The following TLK1 variants were observed in gnomAD, a reference collection of about 807,000 sequenced individuals.
The protein encoded by TLK1 is serine/threonine-protein kinase tousled-like 1.
In TLK1, 24 loss-of-function variants were observed where a neutral mutation model predicts 105.3. That is an observed-to-expected ratio of 0.23 (90% CI 0.17 to 0.32). TLK1 has a LOEUF of 0.32. Ranked by LOEUF, TLK1 falls within the 10% of genes least tolerant of loss-of-function variation. The pLI is 1.00. For missense variants in TLK1, 558 were observed against 910.5 expected (o/e 0.61, Z 4.98); for synonymous variants, 321 against 310.4 (o/e 1.03, Z -0.36).
intron 2 of TLK1, among the ~76,000 whole-genome samples, chr2:171,095,952 G>C (rs1689434244): frequency 6.6e-6 from 1 of 151,820 alleles, no homozygotes; most frequent in Non-Finnish European, 1.5e-5. Flanking sequence ...TCTAAGATCA[G>C]GAACAAGACA....
chr2:170,993,684 AAAAAAAG>A lies in TLK1; in HGVS notation c.*89_*95del, dbSNP rs1683899736. The A allele has an allele frequency of 2.0e-6, 2 of 993,482 alleles. No individual in the cohort carries two copies. Among genetic ancestry groups the A allele is most frequent in the Non-Finnish European group, 2.7e-6 (2 of 743,888 alleles). The allele number at this position is 993,482 out of a possible 1,614,324, so 61.5% of individuals were successfully genotyped here. On this transcript the variant is annotated 3_prime_UTR_variant, in exon 21 of 21. Transcript: ENST00000431350. ...CGTCTTGTGTAAAAAAAAAAAAAAA[AAAAAAAG>A]AAAAAGAAAACAAACACTCAAATGC...
At chr2:171,176,010 C>T (rs1371239304) in intron 1 of TLK1, among the ~76,000 whole-genome samples, 1 of 152,062 alleles carries the variant, frequency 6.6e-6, no homozygotes, top group African/African-American at 2.4e-5. Flanking sequence ...GACCTCTGCT[C>T]ACTGCAACCT....
chr2:171,211,846 C>A (rs1171931983), intron 1 of TLK1, among the ~76,000 whole-genome samples: 2 of 150,252 alleles, frequency 1.3e-5, no homozygotes. Flanking sequence ...CTGTGCCCGG[C>A]CTCTTTTTTT....
chr2:171,129,457 G>A (rs1455755040), intron 1 of TLK1, among the ~76,000 whole-genome samples: 2 of 152,080 alleles, frequency 1.3e-5, no homozygotes, highest in African/African-American at 4.8e-5. Context: ...GTAGATCCCT[G>A]ACCAAAAAGG....
chr2:171,136,338 T>C lies in TLK1; in HGVS notation c.140-18481A>G, dbSNP rs775118137. On this transcript the variant is annotated intron_variant, in intron 1 of 20. Coordinates refer to ENST00000431350, the MANE Select transcript of TLK1 (RefSeq NM_012290.5). ...GGGGCAGAGGGGAATTAGAAAGTTG[T>C]TTAATGGGTGTAAAGTTACAGTTTG... is the stretch of plus-strand genomic sequence containing the variant. 3.3e-5 allele frequency among the ~76,000 whole-genome samples: 5 copies of C among 152,196 alleles called. 1 individual carries two copies. Among genetic ancestry groups the C allele is most frequent in the Admixed American group, 1.3e-4 (2 of 15,278 alleles).
chr2:171,131,799 T>A (rs1349836059), intron 1 of TLK1, among the ~76,000 whole-genome samples: 1 of 152,030 alleles, frequency 6.6e-6, no homozygotes, highest in African/African-American at 2.4e-5. Flanking sequence ...ATGTCAACAA[T>A]GGCTTATTTT....
chr2:171,160,645 G>T lies in TLK1; in HGVS notation c.-217C>A. 2 of 679,314 alleles carry T rather than the reference G, an allele frequency of 2.9e-6. No individual in the cohort carries two copies. Among genetic ancestry groups the T allele is most frequent in the Non-Finnish European group, 4.5e-6 (2 of 440,104 alleles). 42.1% of individuals were successfully genotyped at this position (679,314 alleles called of 1,614,324 possible). Reference sequence around the variant, plus strand: ...AGAGGGGACAGGGAGGAGGGAAAGGGGGAGAAGCGAGGGAGCGAGCGGGCG... The same window carrying T: ...AGAGGGGACAGGGAGGAGGGAAAGGTGGAGAAGCGAGGGAGCGAGCGGGCG... On this transcript the variant is annotated 5_prime_UTR_variant, in exon 1 of 21. Coordinates refer to ENST00000431350, the MANE Select transcript of TLK1 (RefSeq NM_012290.5). The surrounding 1 kb of genome is among the most constrained non-coding windows in gnomAD (Gnocchi z 4.4).
At chr2:171,050,200 A>G (rs1406889429) in intron 8 of TLK1, 26 bp from the exon 9 acceptor site, 1 of 1,516,964 alleles carries the variant, frequency 6.6e-7, no homozygotes, top group South Asian at 1.2e-5. Context: ...AAAATGCAAG[A>G]GGTCTAGACT....
chr2:171,118,963 C>T (rs1374821694), intron 1 of TLK1, among the ~76,000 whole-genome samples: 1 of 152,144 alleles, frequency 6.6e-6, no homozygotes, highest in African/African-American at 2.4e-5. Flanking sequence ...ATACACCTTC[C>T]TCTGTCTACT....
Position 171,160,598 on chromosome 2 carries a change from G to A in TLK1, c.-170C>T. Reference sequence around the variant, plus strand: ...AGGAAACCGAGAAGAGGGGAGGTGGGGAGGAAAGAGGTGAGGGAAGGAGAG... The same window carrying A: ...AGGAAACCGAGAAGAGGGGAGGTGGAGAGGAAAGAGGTGAGGGAAGGAGAG... On this transcript the variant is annotated 5_prime_UTR_variant, in exon 1 of 21. Coordinates refer to ENST00000431350, the MANE Select transcript of TLK1 (RefSeq NM_012290.5). The surrounding 1 kb of genome is among the most constrained non-coding windows in gnomAD (Gnocchi z 4.4). 1.9e-6 allele frequency: 2 copies of A among 1,066,848 alleles called. No individual in the cohort carries two copies. The highest frequency in any genetic ancestry group is 2.6e-6 in the Non-Finnish European group (2 of 758,760). The allele number at this position is 1,066,848 out of a possible 1,614,324, so 66.1% of individuals were successfully genotyped here.
chr2:171,123,372 AT>A (rs35383458), intron 1 of TLK1, among the ~76,000 whole-genome samples: 61,132 of 150,494 alleles, frequency 0.41, 14,043 homozygotes, highest in African/African-American at 0.61. Context: ...AATTTTTGTA[AT>A]TTTTTTTTTA....
intron 1 of TLK1, among the ~76,000 whole-genome samples, chr2:171,191,967 T>G (rs1693162882): frequency 6.6e-6 from 1 of 152,156 alleles, no homozygotes; most frequent in African/African-American, 2.4e-5. Context: ...CAATCTAATT[T>G]GACCACAGAA....
chr2:171,175,639 C>T (rs999196180), intron 1 of TLK1, among the ~76,000 whole-genome samples: 1 of 152,190 alleles, frequency 6.6e-6, no homozygotes, highest in African/African-American at 2.4e-5. Flanking sequence ...CTGTAACACA[C>T]TTCATCATTC....
chr2:171,162,592 T>C (rs184796782), upstream of TLK1, among the ~76,000 whole-genome samples: 113 of 152,296 alleles, frequency 7.4e-4, no homozygotes, highest in Non-Finnish European at 1.4e-3. Flanking sequence ...TTGATGTGTA[T>C]ACCTCCCTGA....
rs745566630 is a variant in TLK1, at chr2:171,224,135, A to G, written c.-6+7010T>C. On this transcript the variant is annotated intron_variant, in intron 1 of 20. Coordinates refer to the TLK1 transcript ENST00000521943. ...GATTTGATTTTTGTATATATGAGAGATAGGGACTTGGTTTCATTCTTCCAC... is the reference window on the plus strand; with the variant it reads ...GATTTGATTTTTGTATATATGAGAGGTAGGGACTTGGTTTCATTCTTCCAC... Among the ~76,000 whole-genome samples, 44 of 152,142 alleles carry G rather than the reference A, an allele frequency of 2.9e-4. 1 individual carries two copies. The highest frequency in any genetic ancestry group is 5.7e-4 in the Non-Finnish European group (39 of 68,032).
At chr2:171,118,959 C>T (rs1415005244) in intron 1 of TLK1, among the ~76,000 whole-genome samples, 1 of 152,062 alleles carries the variant, frequency 6.6e-6, no homozygotes, top group Non-Finnish European at 1.5e-5. Context: ...GAAAATACAC[C>T]TTCCTCTGTC....
At chr2:171,054,679 C>CTT (rs1687410498) in intron 7 of TLK1, 1 of 152,436 alleles carries the variant, frequency 6.6e-6, no homozygotes, top group Non-Finnish European at 1.5e-5. Context: ...ATTCATGAAA[C>CTT]TAAATAAGTA....
At chr2:171,086,216 C>T (rs1688965670) in intron 2 of TLK1, among the ~76,000 whole-genome samples, 1 of 151,950 alleles carries the variant, frequency 6.6e-6, no homozygotes, top group South Asian at 2.1e-4. Flanking sequence ...CCAGTAAAAA[C>T]AGAATACCTT....
chr2:170,999,247 G>C (rs954020242), intron 18 of TLK1, among the ~76,000 whole-genome samples: 9 of 152,148 alleles, frequency 5.9e-5, no homozygotes, highest in African/African-American at 2.2e-4. Flanking sequence ...ATGCAGTTTT[G>C]TATTCACTAT....
Sources: allele counts gnomAD v4.1 joint callset (sites outside exome capture counted in the v4.1 genomes callset), GRCh38; gene constraint gnomAD v4.1.1; non-coding constraint Gnocchi (gnomAD v3.1); transcripts MANE v1.5; gene names NCBI Gene and HGNC (gene_info 2026-07-23, HGNC 2026-07-21).